MMP7: variants seen among roughly 807,000 people sequenced by gnomAD.
MMP7 encodes the protein matrilysin.
MMP7 carries 26 observed loss-of-function variants against 31.5 expected under a neutral mutation model. The ratio of observed to expected loss-of-function variants is 0.83; its 90% CI spans 0.61 to 1.15. MMP7 has a LOEUF of 1.15. MMP7 is among the 50% of genes most tolerant of loss of function. MMP7 has a pLI of 0.00. For missense variants in MMP7, 367 were observed against 326.5 expected, an observed-to-expected ratio of 1.12 and a Z score of -0.96; for synonymous variants, 142 against 124.2, an observed-to-expected ratio of 1.14 and a Z score of -0.95.
At chr11:102,529,355 A>T (rs1858707055) in intron 1 of MMP7, among the ~76,000 whole-genome samples, 1 of 152,220 alleles carries the variant, frequency 6.6e-6, no homozygotes, top group Non-Finnish European at 1.5e-5. Flanking sequence ...CTTTACCAAG[A>T]CACCCTCTGG....
intron 4 of MMP7, among the ~76,000 whole-genome samples, chr11:102,523,944 G>A (rs966125218): frequency 3.3e-5 from 5 of 152,214 alleles, no homozygotes; most frequent in African/African-American, 1.2e-4. Flanking sequence ...AGATTGAAAG[G>A]CAGGGTCTCT....
chr11:102,530,662 AGG>A lies in MMP7; in HGVS notation c.37_38del (p.Pro13TrpfsTer16), dbSNP rs1188292660. 6.2e-7 allele frequency: 1 copy of A among 1,613,852 alleles called. No individual in the cohort carries two copies. The highest frequency in any genetic ancestry group is 1.3e-5 in the African/African-American group (1 of 74,938). On this transcript the variant is annotated frameshift_variant, in exon 1 of 6. Transcript: ENST00000260227. LOFTEE classifies it high-confidence loss of function. ...LTVLCAVCLL[P>X]GSLALPLPQE... ...GAGGCAGCGGCAGGGCCAGGCTGCC[AGG>A]CAGCAGGCACACAGCACACAGCACG... is the stretch of plus-strand genomic sequence containing the variant.
chr11:102,530,398 C>G (rs1300635054), intron 1 of MMP7, among the ~76,000 whole-genome samples, 195 bp downstream of exon 1: 1 of 152,144 alleles, frequency 6.6e-6, no homozygotes, highest in Non-Finnish European at 1.5e-5. Flanking sequence ...GGAACTCAAG[C>G]CCGATTTGAG....
At chr11:102,530,531 A>G in intron 1 of MMP7, 62 bp downstream of exon 1, 1 of 1,353,288 alleles carries the variant, frequency 7.4e-7, no homozygotes, top group Non-Finnish European at 1.1e-6. Flanking sequence ...ATAATTGAAA[A>G]ACACATTTCT....
In MMP7 at chr11:102,530,702, G is replaced by C; in HGVS notation, c.-2C>G. 1.2e-6 allele frequency: 2 copies of C among 1,612,860 alleles called. No individual in the cohort carries two copies. Among genetic ancestry groups the C allele is most frequent in the Non-Finnish European group, 1.7e-6 (2 of 1,179,494 alleles). ...AGCACACAGCACGGTGAGTCGCATA[G>C]CTGCCGTCCAGAGACAATTGTTCTT... On this transcript the variant is annotated 5_prime_UTR_variant, in exon 1 of 6. Transcript: ENST00000260227.
chr11:102,520,786 C>T lies in MMP7; in HGVS notation c.794G>A (p.Arg265Lys). The stretch of plus-strand genomic sequence containing the variant: ...TTCTGCCTGAAGTTTCTATTTCTTT[C>T]TTGAATTACTTCTCTTTCCTATTGA... ...QKLYGKRSNS[R>K]KK Residue 265 changes from arginine to lysine, a missense_variant, in exon 6 of 6, where the codon AGA (arginine) becomes AAA (lysine). Arg to Lys is a conservative substitution (Grantham distance 26). Coordinates refer to ENST00000260227, the MANE Select transcript of MMP7 (RefSeq NM_002423.5). 1 of 1,567,860 alleles carries T rather than the reference C, an allele frequency of 6.4e-7. No individual in the cohort carries two copies. The highest frequency in any genetic ancestry group is 8.7e-7 in the Non-Finnish European group (1 of 1,150,316).
intron 5 of MMP7, 140 bp downstream of exon 5, chr11:102,523,100 C>T (rs2135902979): frequency 3.6e-6 from 2 of 561,002 alleles, no homozygotes; most frequent in Non-Finnish European, 3.0e-6. Context: ...CTAAGGTCCC[C>T]AATTCCTCCC....
chr11:102,527,588 G>T lies in MMP7; in HGVS notation c.420C>A (p.Ile140=), dbSNP rs774409981. The change falls in exon 3 of 6, where the codon ATC becomes ATA. Residue 140 remains isoleucine, a synonymous_variant. Coordinates refer to ENST00000260227, the MANE Select transcript of MMP7 (RefSeq NM_002423.5). ...ATACAACTTTCCTGAAATGCAGGGG[G>T]ATCTCTTTGCCCCACATGTTTAAAG... ...SKALNMWGKE[I]PLHFRKVVWG... 6.2e-7 allele frequency: 1 copy of T among 1,614,048 alleles called. No individual in the cohort carries two copies. The highest frequency in any genetic ancestry group is 1.7e-5 in the Admixed American group (1 of 60,004).
chr11:102,527,421 A>G, intron 3 of MMP7, 103 bp downstream of exon 3: 1 of 1,337,874 alleles, frequency 7.5e-7, no homozygotes, highest in Non-Finnish European at 1.1e-6. Context: ...TCTACCAATC[A>G]TATCTCATTA....
In MMP7 at chr11:102,524,967, C is replaced by T. The variant is rs1345548007; in HGVS notation, c.582G>A (p.Glu194=). The T allele has an allele frequency of 4.3e-6, 7 of 1,613,892 alleles. No homozygotes were observed. Among genetic ancestry groups the T allele is most frequent in the Non-Finnish European group, 5.9e-6 (7 of 1,179,994 alleles). The change falls in exon 4 of 6, where the codon GAG becomes GAA. Residue 194 remains glutamate (E), a synonymous_variant. Coordinates refer to ENST00000260227, the MANE Select transcript of MMP7 (RefSeq NM_002423.5). The stretch of plus-strand genomic sequence containing the variant: ...TGCTACCATCCGTCCAGCGTTCATC[C>T]TCATCGAAGTGAGCATCTCCTCCGA... The part of the protein sequence containing the change: ...TGLGGDAHFD[E]DERWTDGSSL...
chr11:102,525,005 G>A lies in MMP7; in HGVS notation c.544C>T (p.Pro182Ser). The A allele has an allele frequency of 6.2e-7, 1 of 1,613,738 alleles. No individual in the cohort carries two copies. Residue 182 changes from proline to serine, a missense_variant, in exon 4 of 6, where the codon CCT (proline) becomes TCT (serine). Physicochemically the swap from Pro to Ser is moderately conservative, Grantham distance 74. Transcript: ENST00000260227. ...PGNTLAHAFA[P>S]GTGLGGDAHF... The stretch of plus-strand genomic sequence containing the variant: ...GCATCTCCTCCGAGACCTGTCCCAG[G>A]CGCAAAGGCATGAGCCAGCGTGTTT...
At chr11:102,528,011 A>G in intron 1 of MMP7, 28 bp from the exon 2 acceptor site, 1 of 1,512,928 alleles carries the variant, frequency 6.6e-7, no homozygotes, top group East Asian at 2.3e-5. Context: ...ATTAATCTAT[A>G]GTTCTTGTTT....
At chr11:102,530,192 T>C (rs1184545176) in intron 1 of MMP7, among the ~76,000 whole-genome samples, 2 of 152,194 alleles carry the variant, frequency 1.3e-5, no homozygotes, top group Non-Finnish European at 2.9e-5. Flanking sequence ...CTGTATACTA[T>C]AGAAAAAGAA....
At position 102,527,569 on chromosome 11, in the gene MMP7, C is replaced by A. The variant is rs1412573339; in HGVS notation, c.439G>T (p.Val147Phe). Residue 147 changes from valine (V) to phenylalanine (F), a missense_variant, in exon 3 of 6, where the codon GTT (valine) becomes TTT (phenylalanine). Physicochemically the swap from Val to Phe is conservative, Grantham distance 50. Transcript: ENST00000260227. ...GKEIPLHFRKVVWGTADIMIG... is the reference protein window; with the variant it reads ...GKEIPLHFRKFVWGTADIMIG... ...ATGATGTCAGCAGTTCCCCATACAA[C>A]TTTCCTGAAATGCAGGGGGATCTCT... The A allele has an allele frequency of 1.2e-6, 2 of 1,614,062 alleles. No homozygotes were observed. The highest frequency in any genetic ancestry group is 1.7e-6 in the Non-Finnish European group (2 of 1,180,038).
chr11:102,527,500 T>C, intron 3 of MMP7, 24 bp downstream of exon 3: 1 of 1,614,052 alleles, frequency 6.2e-7, no homozygotes, highest in Non-Finnish European at 8.5e-7. Context: ...GGACACAGGA[T>C]TAGCCTACAG....
intron 5 of MMP7, 72 bp downstream of exon 5, chr11:102,523,168 C>G (rs983838457): frequency 7.9e-7 from 1 of 1,260,970 alleles, no homozygotes; most frequent in Admixed American, 2.0e-5. Flanking sequence ...TACCCATTTC[C>G]CAGCCTTTCT....
At position 102,530,617 on chromosome 11, in the gene MMP7, A is replaced by G. The variant is rs1315542985; in HGVS notation, c.84T>C (p.Ser28=). Residue 28 remains serine (S), a synonymous_variant, in exon 1 of 6, where the codon AGT becomes AGC. Transcript: ENST00000260227. ...CCTGAGCCTGTTCCCACTGTAGCTC[A>G]CTCATGCCTCCCGCCTCCTGAGGCA... The part of the protein sequence containing the change: ...LPLPQEAGGM[S]ELQWEQAQDY... The G allele has an allele frequency of 2.0e-5, 33 of 1,613,888 alleles. No homozygotes were observed. In the Admixed American group the frequency reaches 5.5e-4, roughly 27 times the overall value.
At chr11:102,523,819 C>T (rs187869078) in intron 4 of MMP7, among the ~76,000 whole-genome samples, 73 of 152,174 alleles carry the variant, frequency 4.8e-4, no homozygotes, top group African/African-American at 1.7e-3. Flanking sequence ...TAATTTCTGC[C>T]CTCTAGATTT....
Position 102,525,006 on chromosome 11 carries a change from C to G in MMP7, c.543G>C (p.Ala181=). The part of the protein sequence containing the change: ...GPGNTLAHAF[A]PGTGLGGDAH... Reference sequence around the variant, plus strand: ...CATCTCCTCCGAGACCTGTCCCAGGCGCAAAGGCATGAGCCAGCGTGTTTC... The same window carrying G: ...CATCTCCTCCGAGACCTGTCCCAGGGGCAAAGGCATGAGCCAGCGTGTTTC... The change falls in exon 4 of 6, where the codon GCG becomes GCC. Residue 181 remains alanine, a synonymous_variant. Coordinates refer to ENST00000260227, the MANE Select transcript of MMP7 (RefSeq NM_002423.5). 6.2e-7 allele frequency: 1 copy of G among 1,613,808 alleles called. No homozygotes were observed. The highest frequency in any genetic ancestry group is 8.5e-7 in the Non-Finnish European group (1 of 1,179,902).
Sources: allele counts gnomAD v4.1 joint callset (sites outside exome capture counted in the v4.1 genomes callset), GRCh38; gene constraint gnomAD v4.1.1; transcripts MANE v1.5; gene names NCBI Gene and HGNC (gene_info 2026-07-23, HGNC 2026-07-21).